The following AGMO variants were observed in gnomAD, a reference collection of about 807,000 sequenced individuals.
The protein encoded by AGMO is glyceryl-ether monooxygenase.
A neutral mutation model predicts 60.2 loss-of-function variants in AGMO; 75 were observed. The ratio of observed to expected loss-of-function variants is 1.25; its 90% CI spans 1.03 to 1.51. The LOEUF is 1.51. AGMO is among the 40% of genes most tolerant of loss of function. The probability of loss-of-function intolerance (pLI) is 0.00; values close to 1 mark genes in which losing one functional copy is unlikely to be tolerated. For missense variants in AGMO, 763 were observed against 525.5 expected (o/e 1.45, Z -4.42); for synonymous variants, 261 against 177.1 (o/e 1.47, Z -3.76).
At chr7:15,139,225 T>G in the AGMO span, among the ~76,000 whole-genome samples, 2 of 152,340 alleles carry the variant, frequency 1.3e-5, no homozygotes, top group African/African-American at 4.8e-5. Context: ...CTGTTATCTT[T>G]GACTTGCTTT....
intron 3 of AGMO, among the ~76,000 whole-genome samples, chr7:15,497,716 A>T (rs1323278746): frequency 6.6e-6 from 1 of 152,066 alleles, no homozygotes; most frequent in African/African-American, 2.4e-5. Flanking sequence ...AATTTAACAG[A>T]AGGACTTAAT....
At chr7:15,505,467 C>T (rs1048359806) in intron 3 of AGMO, among the ~76,000 whole-genome samples, 1 of 151,948 alleles carries the variant, frequency 6.6e-6, no homozygotes, top group African/African-American at 2.4e-5. Context: ...CTACTCCTTG[C>T]CACTCAACCA....
intron 12 of AGMO, among the ~76,000 whole-genome samples, chr7:15,333,224 A>G (rs897045633): frequency 6.6e-6 from 1 of 152,188 alleles, no homozygotes; most frequent in African/African-American, 2.4e-5. Context: ...CCACTTTTAA[A>G]GTTAAATGCA....
chr7:15,218,086 A>G (rs1027910862), intron 12 of AGMO, among the ~76,000 whole-genome samples: 5 of 152,082 alleles, frequency 3.3e-5, no homozygotes, highest in Admixed American at 2.0e-4. Flanking sequence ...AAAAAGACGT[A>G]TAAACGGTAA....
chr7:15,138,111 C>G, the AGMO span, among the ~76,000 whole-genome samples: 1 of 152,122 alleles, frequency 6.6e-6, no homozygotes, highest in African/African-American at 2.4e-5. Flanking sequence ...CACCAGCCCC[C>G]CAAAAAGTTA....
At chr7:15,442,120 G>C (rs1470571925) in intron 3 of AGMO, among the ~76,000 whole-genome samples, 1 of 152,194 alleles carries the variant, frequency 6.6e-6, no homozygotes, top group Non-Finnish European at 1.5e-5. Flanking sequence ...AATCAGAACT[G>C]AATGTCCTCA....
At chr7:15,339,168 G>C (rs1307516047) in intron 12 of AGMO, among the ~76,000 whole-genome samples, 1 of 152,162 alleles carries the variant, frequency 6.6e-6, no homozygotes, top group African/African-American at 2.4e-5. Flanking sequence ...AGAGATGGGA[G>C]AAAGAGGGAG....
intron 12 of AGMO, among the ~76,000 whole-genome samples, chr7:15,235,061 T>C (rs1372919535): frequency 6.6e-6 from 1 of 152,136 alleles, no homozygotes; most frequent in African/African-American, 2.4e-5. Context: ...CTGCCTTGAA[T>C]GACTCCCTCT....
the AGMO span, among the ~76,000 whole-genome samples, chr7:15,143,153 ATTTCTTCTGACAG>A: frequency 6.6e-6 from 1 of 152,056 alleles, no homozygotes; most frequent in Non-Finnish European, 1.5e-5. Flanking sequence ...AAATATCTTT[ATTTCTTCTGACAG>A]TTTTCTCCAA....
At chr7:15,354,441 C>CGTGTGTATAT (rs1782415550) in intron 12 of AGMO, among the ~76,000 whole-genome samples, 6 of 14,954 alleles carry the variant, frequency 4.0e-4, no homozygotes, top group Admixed American at 7.7e-4. Flanking sequence ...TGTGTGTATA[C>CGTGTGTATAT]ACACGTGTGT....
At chr7:15,356,539 G>C (rs1195245825) in intron 12 of AGMO, among the ~76,000 whole-genome samples, 1 of 151,904 alleles carries the variant, frequency 6.6e-6, no homozygotes, top group Non-Finnish European at 1.5e-5. Context: ...AAGAAAATCT[G>C]AAAAATTAAA....
chr7:15,232,473 A>G (rs767655604), intron 12 of AGMO, among the ~76,000 whole-genome samples: 2 of 152,224 alleles, frequency 1.3e-5, no homozygotes, highest in African/African-American at 2.4e-5. Flanking sequence ...ATATCAGAAT[A>G]CATGCGGCAT....
chr7:15,419,675 T>C (rs896799497), intron 4 of AGMO, among the ~76,000 whole-genome samples: 6 of 52,616 alleles, frequency 1.1e-4, no homozygotes, highest in Non-Finnish European at 2.3e-4. Context: ...AAGTAGAATG[T>C]TTTTTTTTTA....
At chr7:15,262,224 G>A (rs1418849270) in intron 12 of AGMO, among the ~76,000 whole-genome samples, 1 of 151,984 alleles carries the variant, frequency 6.6e-6, no homozygotes, top group Non-Finnish European at 1.5e-5. Flanking sequence ...TGTATACTTA[G>A]AAAGCCCTAA....
At chr7:15,171,557 A>C in the AGMO span, among the ~76,000 whole-genome samples, 3 of 152,228 alleles carry the variant, frequency 2.0e-5, no homozygotes, top group Admixed American at 2.0e-4. Flanking sequence ...ATTTGGAATT[A>C]TTCTGCATGG....
intron 10 of AGMO, among the ~76,000 whole-genome samples, chr7:15,369,436 C>T (rs1350499293): frequency 1.3e-5 from 2 of 152,080 alleles, no homozygotes; most frequent in Admixed American, 1.3e-4. Flanking sequence ...CAACATAAGC[C>T]ATGCCAGAAA....
the AGMO span, among the ~76,000 whole-genome samples, chr7:15,121,574 G>T: frequency 6.6e-6 from 1 of 152,266 alleles, no homozygotes; most frequent in Non-Finnish European, 1.5e-5. Flanking sequence ...AATAACCAGT[G>T]ATGATGAACT....
In AGMO at chr7:15,523,147, C is replaced by A. The variant is rs180772628; in HGVS notation, c.409+21625G>T. ...GCAAATCAAAACCACAATGAGATAC[C>A]ATCTCACACCAGTTAGAATGGCAAT... On this transcript the variant is annotated intron_variant, in intron 3 of 12. Coordinates refer to ENST00000342526, the MANE Select transcript of AGMO (RefSeq NM_001004320.2). Among the ~76,000 whole-genome samples, 34 of 152,266 alleles carry A rather than the reference C, an allele frequency of 2.2e-4. 1 individual carries two copies. In the East Asian group the frequency reaches 6.0e-3, roughly 27 times the overall value.
the AGMO span, among the ~76,000 whole-genome samples, chr7:15,124,486 C>T: frequency 2.0e-5 from 3 of 151,998 alleles, no homozygotes; most frequent in African/African-American, 7.2e-5. Flanking sequence ...GGGCAATTTA[C>T]AGTTTTCAAT....
Sources: allele counts gnomAD v4.1 joint callset (sites outside exome capture counted in the v4.1 genomes callset), GRCh38; gene constraint gnomAD v4.1.1; transcripts MANE v1.5; gene names NCBI Gene and HGNC (gene_info 2026-07-23, HGNC 2026-07-21).